FAP: variants seen among roughly 807,000 people sequenced by gnomAD.
FAP encodes the protein prolyl endopeptidase FAP.
Under a neutral mutation model 126.5 loss-of-function variants are expected in FAP, and 110 were observed. The ratio of observed to expected loss-of-function variants is 0.87; its 90% confidence interval spans 0.74 to 1.02. FAP has a LOEUF of 1.02. Ranked by LOEUF, FAP falls within the 50% of genes least tolerant of loss-of-function variation. The pLI, the probability that FAP is intolerant of heterozygous loss-of-function variation, is 0.00. For missense variants in FAP, 919 were observed against 909.2 expected (o/e 1.01, Z -0.14); for synonymous variants, 334 against 297.3 (o/e 1.12, Z -1.27).
At chr2:162,188,001 C>CA (rs1553685086) in intron 20 of FAP, among the ~76,000 whole-genome samples, 168 bp downstream of exon 20, 1 of 151,932 alleles carries the variant, frequency 6.6e-6, no homozygotes, top group Non-Finnish European at 1.5e-5. Flanking sequence ...TCCATAAATA[C>CA]TTTTTTTTCA....
intron 25 of FAP, chr2:162,171,383 T>C (rs930432773): frequency 1.8e-4 from 37 of 202,076 alleles, no homozygotes; most frequent in Non-Finnish European, 2.2e-4. Flanking sequence ...ATGCACTGGG[T>C]CTGTTAATTT....
At position 162,230,639 on chromosome 2, in the gene FAP, A is replaced by G. The variant is rs149303272; in HGVS notation, c.92-4018T>C. On this transcript the variant is annotated intron_variant, in intron 2 of 25. Transcript: ENST00000188790. ...CTCTATTACATGTTGTAAATTTCAT[A>G]TGTAGACTCTTTTGCCTTCATTTAA... Among the ~76,000 whole-genome samples the G allele has an allele frequency of 4.6e-5, 7 of 151,922 alleles. No homozygotes were observed. In the East Asian group the frequency reaches 1.2e-3, roughly 25 times the overall value.
rs1432096250 is a variant in FAP, at chr2:162,198,865, A to G, written c.1294T>C (p.Tyr432His). Residue 432 changes from tyrosine (Y) to histidine (H), a missense_variant, in exon 16 of 26, where the codon TAT becomes CAT. Transcript: ENST00000188790. ...RNIYRISIGS[Y>H]PPSKKCVTCH... is the part of the protein sequence containing the mutation. ...GTAACACACTTCTTGCTTGGAGGAT[A>G]GCTTCCAATGCTAATTCTAGAGGGA... The G allele has an allele frequency of 1.2e-6, 2 of 1,613,770 alleles. No homozygotes were observed. The highest frequency in any genetic ancestry group is 2.2e-5 in the East Asian group (1 of 44,896).
At chr2:162,203,011 T>G (rs943425634) in intron 13 of FAP, 30 bp downstream of exon 13, 1 of 1,595,440 alleles carries the variant, frequency 6.3e-7, no homozygotes, top group African/African-American at 1.3e-5. Context: ...TGAATGATCT[T>G]TGAGGAGATA....
chr2:162,242,031 T>TTTTTTTTTTTTTTTTTTTTTTTTTGAG (rs1690372570), intron 2 of FAP, among the ~76,000 whole-genome samples: 1 of 152,238 alleles, frequency 6.6e-6, no homozygotes, highest in African/African-American at 2.4e-5. Context: ...AGTTAACTTT[T>TTTTTTTTTTTTTTTTTTTTTTTTTGAG]AACCAAGATA....
chr2:162,206,448 C>G (rs1477734235), intron 12 of FAP, among the ~76,000 whole-genome samples: 1 of 152,164 alleles, frequency 6.6e-6, no homozygotes, highest in Admixed American at 6.5e-5. Flanking sequence ...GTTAAATGAC[C>G]TAAAGCGGAT....
intron 18 of FAP, 138 bp from the exon 19 acceptor site, chr2:162,189,310 AACTT>A: frequency 2.0e-6 from 1 of 492,780 alleles, no homozygotes; most frequent in East Asian, 3.4e-5. Context: ...ATTTAAAAGT[AACTT>A]TTATTAAATT....
At chr2:162,173,063 T>C in intron 24 of FAP, 86 bp downstream of exon 24, 1 of 1,289,518 alleles carries the variant, frequency 7.8e-7, no homozygotes, top group East Asian at 2.3e-5. Context: ...ACCCTGAGCA[T>C]AGGCATAGGA....
chr2:162,192,993 T>C (rs750043374), intron 17 of FAP, among the ~76,000 whole-genome samples: 13 of 152,146 alleles, frequency 8.5e-5, no homozygotes, highest in Non-Finnish European at 1.2e-4. Context: ...CATTTCCATG[T>C]TCATATTCCC....
intron 7 of FAP, among the ~76,000 whole-genome samples, chr2:162,219,651 A>G (rs1262300972): frequency 6.6e-6 from 1 of 152,182 alleles, no homozygotes; most frequent in Non-Finnish European, 1.5e-5. Context: ...TGCTATATTT[A>G]AAGAAGTCTA....
At chr2:162,224,971 C>T (rs868213372) in intron 4 of FAP, among the ~76,000 whole-genome samples, 1 of 152,108 alleles carries the variant, frequency 6.6e-6, no homozygotes, top group Non-Finnish European at 1.5e-5. Flanking sequence ...GGACTGGGAG[C>T]CCAGTGGGAC....
At chr2:162,199,616 C>T (rs1300653795) in intron 15 of FAP, among the ~76,000 whole-genome samples, 1 of 152,166 alleles carries the variant, frequency 6.6e-6, no homozygotes, top group Non-Finnish European at 1.5e-5. Flanking sequence ...GATGTCATGC[C>T]AGGGTCTGGA....
chr2:162,182,095 A>G (rs770774696), intron 21 of FAP, among the ~76,000 whole-genome samples: 1 of 152,214 alleles, frequency 6.6e-6, no homozygotes, highest in Non-Finnish European at 1.5e-5. Context: ...GTGAGAATCT[A>G]TTATTGAAGA....
intron 4 of FAP, 147 bp downstream of exon 4, chr2:162,225,336 G>C (rs1201094609): frequency 1.1e-6 from 1 of 923,866 alleles, no homozygotes; most frequent in African/African-American, 1.7e-5. Flanking sequence ...AATGGGACTA[G>C]CAGACAGAAC....
intron 20 of FAP, among the ~76,000 whole-genome samples, chr2:162,184,782 A>G (rs1042372204): frequency 2.0e-5 from 3 of 151,942 alleles, no homozygotes; most frequent in Non-Finnish European, 4.4e-5. Context: ...TAAAAAAAAA[A>G]TAACCTTGCT....
Position 162,170,913 on chromosome 2 carries a change from G to C in FAP, c.*66C>G. The C allele has an allele frequency of 2.6e-6, 3 of 1,162,506 alleles. No individual in the cohort carries two copies. The highest frequency in any genetic ancestry group is 3.8e-6 in the Non-Finnish European group (3 of 789,560). 72.0% of individuals were successfully genotyped at this position (1,162,506 alleles called of 1,614,324 possible). A position where few individuals can be genotyped will look rare whatever the true frequency, so the allele number is the denominator to read the frequency against. On this transcript the variant is annotated 3_prime_UTR_variant, in exon 26 of 26. Coordinates refer to ENST00000188790, the MANE Select transcript of FAP (RefSeq NM_004460.5). ...TTTTACAACATAAAAAATAAAATAA[G>C]CAAACTGTCTGAGGGGTTTATATAA...
chr2:162,195,288 AAGG>A (rs1281106227), intron 16 of FAP, among the ~76,000 whole-genome samples: 2 of 151,874 alleles, frequency 1.3e-5, no homozygotes, highest in East Asian at 3.9e-4. Flanking sequence ...GCAGTCTTGG[AAGG>A]AGGTTTGTGG....
intron 23 of FAP, 68 bp from the exon 24 acceptor site, chr2:162,173,289 G>A: frequency 1.8e-6 from 2 of 1,133,788 alleles, no homozygotes; most frequent in Non-Finnish European, 2.7e-6. Flanking sequence ...CTAAATCATT[G>A]TGCAATGGAC....
rs78083402 is a variant in FAP at position 162,188,769 on chromosome 2, T to C, written c.1619+334A>G. Among the ~76,000 whole-genome samples the C allele has an allele frequency of 4.2e-3, 640 of 152,238 alleles. 9 individuals are homozygous for C. The highest frequency in any genetic ancestry group is 0.014 in the African/African-American group (601 of 41,560). ...AATGTATTCTATTCCTTTATTTCAT[T>C]TCTAACTCAATTACATAAGATGTGA... On this transcript the variant is annotated intron_variant, in intron 19 of 25. Transcript: ENST00000188790.
Sources: gnomAD v4.1 joint callset for allele counts (sites outside exome capture counted in the v4.1 genomes callset) on GRCh38, gnomAD v4.1.1 for gene constraint, MANE v1.5 for transcripts, NCBI Gene and HGNC (gene_info 2026-07-23, HGNC 2026-07-21) for gene names.